CRLF1: variants seen among roughly 807,000 people sequenced by gnomAD.
The protein encoded by CRLF1 is cytokine receptor-like factor 1.
In CRLF1, 36 loss-of-function variants were observed where a neutral mutation model predicts 48.9. That is an observed-to-expected ratio of 0.74 (90% CI 0.56 to 0.97). The LOEUF (loss-of-function observed/expected upper bound fraction) is 0.97, where lower values mean the gene tolerates loss of function less well. CRLF1 is among the 50% of genes least tolerant of loss of function. CRLF1 has a pLI of 0.00. For synonymous variants in CRLF1, 256 were observed against 253.4 expected, an observed-to-expected ratio of 1.01 and a Z score of -0.10; for missense variants, 534 against 575.1, an observed-to-expected ratio of 0.93 and a Z score of 0.73.
At chr19:18,603,556 C>A (rs912488211) in intron 1 of CRLF1, among the ~76,000 whole-genome samples, 1 of 152,148 alleles carries the variant, frequency 6.6e-6, no homozygotes, top group African/African-American at 2.4e-5. Flanking sequence ...ACTCCCCAGG[C>A]GGCTGGAAGA....
At position 18,598,690 on chromosome 19, in the gene CRLF1, T is replaced by C. The variant is rs577195684; in HGVS notation, c.527+82A>G. On this transcript the variant is annotated intron_variant, in intron 3 of 8. Transcript: ENST00000392386. ...GCAGCCTCAGGGTGCAGACAACACATGGGGGCTCAGAGAGGGTCCGCGTTG... is the reference window on the plus strand; with the variant it reads ...GCAGCCTCAGGGTGCAGACAACACACGGGGGCTCAGAGAGGGTCCGCGTTG... The C allele has an allele frequency of 2.5e-4, 401 of 1,613,652 alleles. 2 individuals are homozygous for C. The East Asian group carries it at 8.3e-3, about 33-fold the overall frequency.
At chr19:18,602,621 A>T (rs1172699034) in intron 1 of CRLF1, among the ~76,000 whole-genome samples, 1 of 151,806 alleles carries the variant, frequency 6.6e-6, no homozygotes, top group African/African-American at 2.4e-5. Context: ...GTCTCAAAAA[A>T]GAAATAAAAA....
In CRLF1 at chr19:18,593,665, C is replaced by T. The variant is rs1237672365; in HGVS notation, c.1256-86G>A. 1.7e-5 allele frequency: 26 copies of T among 1,551,010 alleles called. 1 individual carries two copies. The highest frequency in any genetic ancestry group is 2.4e-5 in the South Asian group (2 of 84,278). On this transcript the variant is annotated intron_variant, in intron 8 of 8. Coordinates refer to ENST00000392386, the MANE Select transcript of CRLF1 (RefSeq NM_004750.5). ...CCACTGAAGGAGGCTTCATTCGTGTCCTGTCCCCACCGCTTCTGGCTGTGT... is the reference window on the plus strand; with the variant it reads ...CCACTGAAGGAGGCTTCATTCGTGTTCTGTCCCCACCGCTTCTGGCTGTGT...
intron 3 of CRLF1, 62 bp downstream of exon 3, chr19:18,598,710 G>T: frequency 6.2e-7 from 1 of 1,613,806 alleles, no homozygotes; most frequent in Non-Finnish European, 8.5e-7. Flanking sequence ...GAGAGGGTCC[G>T]CGTTGGTCAA....
chr19:18,594,029 T>TTCGTGGGGGG, intron 8 of CRLF1, 36 bp downstream of exon 8: 1 of 1,366,646 alleles, frequency 7.3e-7, no homozygotes, highest in Non-Finnish European at 1.0e-6. Context: ...GCCCTCCCCT[T>TTCGTGGGGGG]GCTCCCTCCC....
chr19:18,601,843 G>A (rs1363053354), intron 1 of CRLF1, among the ~76,000 whole-genome samples: 2 of 152,158 alleles, frequency 1.3e-5, no homozygotes, highest in African/African-American at 4.8e-5. Flanking sequence ...GCTGGAATGA[G>A]GGAAGGCCAT....
In CRLF1 at chr19:18,594,126, CAG is replaced by C. The variant is rs757983799; in HGVS notation, c.1213-21_1213-20del. 2.8e-5 allele frequency: 43 copies of C among 1,553,958 alleles called. No homozygotes were observed. In the Admixed American group the frequency reaches 7.5e-4, roughly 27 times the overall value. On this transcript the variant is annotated intron_variant, in intron 7 of 8. Transcript: ENST00000392386. ...CCTCGTCCTGTGCTTGGAAGGAAGG[CAG>C]AGGTGTCGTGGGGGCTGCAGACCTG...
At chr19:18,596,087 C>G (rs1308512608) in intron 6 of CRLF1, among the ~76,000 whole-genome samples, 2 of 152,194 alleles carry the variant, frequency 1.3e-5, no homozygotes, top group African/African-American at 4.8e-5. Context: ...TCTAGGGAAT[C>G]TAGGATATTT....
rs557461110 is a variant in CRLF1 at position 18,597,046 on chromosome 19, G to A, written c.701C>T (p.Thr234Ile). 3 of 1,612,402 alleles carry A rather than the reference G, an allele frequency of 1.9e-6. No individual in the cohort carries two copies. In the South Asian group the frequency reaches 3.3e-5, roughly 18 times the overall value. Reference sequence around the variant, plus strand: ...GTGCACGTCGGGCGGGGGGTCCGTGGTCACTGCGGGGCAGAGGAGGGACCC... The same window carrying A: ...GTGCACGTCGGGCGGGGGGTCCGTGATCACTGCGGGGCAGAGGAGGGACCC... ...VLTLDILDVVTTDPPPDVHVS... is the reference protein window; with the variant it reads ...VLTLDILDVVITDPPPDVHVS... Residue 234 changes from threonine to isoleucine, a missense_variant, in exon 5 of 9, where the codon ACC (threonine) becomes ATC (isoleucine). Physicochemically the swap from Thr to Ile is moderately conservative, Grantham distance 89. This residue lies in a region of CRLF1 where 528 missense variants were observed against 555.7 expected (regional missense o/e 0.95). Coordinates refer to ENST00000392386, the MANE Select transcript of CRLF1 (RefSeq NM_004750.5).
intron 1 of CRLF1, among the ~76,000 whole-genome samples, chr19:18,604,161 G>T (rs2145336752): frequency 6.6e-6 from 1 of 152,310 alleles, no homozygotes; most frequent in South Asian, 2.1e-4. Flanking sequence ...GGGGCTCTCT[G>T]GGGGGTCCTG....
chr19:18,599,628 C>A lies in CRLF1; in HGVS notation c.334G>T (p.Asp112Tyr). The change falls in exon 2 of 9, where the codon GAC becomes TAC. Residue 112 changes from aspartate (D) to tyrosine (Y), a missense_variant. Physicochemically the swap from Asp to Tyr is radical, Grantham distance 160. Coordinates refer to ENST00000392386, the MANE Select transcript of CRLF1 (RefSeq NM_004750.5). ...NLNGSRQRSG[D>Y]NLVCHARDGS... ...TCACGGGCGTGGCACACGAGGTTGT[C>A]CCCCGACCGCTGCCTGGACCCATTG... The A allele has an allele frequency of 1.2e-6, 2 of 1,613,436 alleles. No individual in the cohort carries two copies. Among genetic ancestry groups the A allele is most frequent in the Non-Finnish European group, 1.7e-6 (2 of 1,179,992 alleles).
intron 1 of CRLF1, among the ~76,000 whole-genome samples, chr19:18,600,797 G>A (rs950562283): frequency 6.6e-6 from 1 of 151,536 alleles, no homozygotes; most frequent in African/African-American, 2.4e-5. Context: ...ATACACCCAG[G>A]CATGCTTTGC....
chr19:18,593,964 A>C (rs1976091151), intron 8 of CRLF1, 101 bp downstream of exon 8: 1 of 1,509,766 alleles, frequency 6.6e-7, no homozygotes, highest in African/African-American at 1.4e-5. Context: ...AGCGACTCTA[A>C]GGCTGGGGTT....
At chr19:18,600,955 C>T (rs752330367) in intron 1 of CRLF1, among the ~76,000 whole-genome samples, 1 of 152,098 alleles carries the variant, frequency 6.6e-6, no homozygotes, top group African/African-American at 2.4e-5. Context: ...CAGGTGTGCA[C>T]CACCACACCT....
At chr19:18,600,955 C>A (rs752330367) in intron 1 of CRLF1, among the ~76,000 whole-genome samples, 1 of 152,098 alleles carries the variant, frequency 6.6e-6, no homozygotes, top group Non-Finnish European at 1.5e-5. Flanking sequence ...CAGGTGTGCA[C>A]CACCACACCT....
intron 3 of CRLF1, 44 bp downstream of exon 3, chr19:18,598,728 C>A (rs1420467497): frequency 6.2e-7 from 1 of 1,614,028 alleles, no homozygotes; most frequent in Non-Finnish European, 8.5e-7. Context: ...CAAGGTCACG[C>A]AGCCAGCCTG....
chr19:18,597,171 G>A, intron 4 of CRLF1, 122 bp from the exon 5 acceptor site: 1 of 1,014,524 alleles, frequency 9.9e-7, no homozygotes, highest in Non-Finnish European at 1.4e-6. Context: ...TCTTCCCTCT[G>A]CCCCCACCCC....
intron 4 of CRLF1, among the ~76,000 whole-genome samples, chr19:18,597,565 G>A (rs1976157863): frequency 2.7e-5 from 4 of 150,010 alleles, no homozygotes; most frequent in Admixed American, 6.7e-5. Context: ...AAGTAGCTGG[G>A]ACTACAGGCG....
At chr19:18,603,731 T>C (rs896751507) in intron 1 of CRLF1, among the ~76,000 whole-genome samples, 10 of 152,078 alleles carry the variant, frequency 6.6e-5, no homozygotes, top group South Asian at 2.1e-4. Flanking sequence ...GGGCCGGCCC[T>C]GATGATTTTC....
Sources: gnomAD v4.1 joint callset for allele counts (sites outside exome capture counted in the v4.1 genomes callset) on GRCh38, gnomAD v4.1.1 for gene constraint, gnomAD v4.1.1 regional missense constraint, MANE v1.5 for transcripts, NCBI Gene and HGNC (gene_info 2026-07-23, HGNC 2026-07-21) for gene names.